The following HPSE2 variants were observed in gnomAD, a reference collection of about 807,000 sequenced individuals.
The protein encoded by HPSE2 is inactive heparanase-2.
HPSE2 carries 38 observed loss-of-function variants against 60.5 expected under a neutral mutation model. The observed-to-expected ratio is 0.63, with a 90% CI of 0.48 to 0.82. HPSE2 has a LOEUF of 0.82. HPSE2 is among the 40% of genes least tolerant of loss of function. The pLI is 0.00. For synonymous variants in HPSE2, 295 were observed against 293.2 expected (o/e 1.01, Z -0.06); for missense variants, 713 against 740.4 (o/e 0.96, Z 0.43).
At chr10:98,536,462 C>T (rs1943286212) in intron 9 of HPSE2, among the ~76,000 whole-genome samples, 1 of 152,152 alleles carries the variant, frequency 6.6e-6, no homozygotes, top group African/African-American at 2.4e-5. Context: ...ATGGTCCTTC[C>T]TTCTGAACTG....
intron 2 of HPSE2, among the ~76,000 whole-genome samples, chr10:99,144,736 G>T (rs1845986586): frequency 6.6e-6 from 1 of 152,036 alleles, no homozygotes. Context: ...TTTTCCATGG[G>T]AAAAAGTATT....
chr10:98,949,512 T>C (rs375087758), intron 3 of HPSE2, among the ~76,000 whole-genome samples: 1 of 152,198 alleles, frequency 6.6e-6, no homozygotes, highest in Non-Finnish European at 1.5e-5. Context: ...AAGATGAAGC[T>C]GACCAGAGAG....
chr10:99,306,552 T>C, the HPSE2 span, among the ~76,000 whole-genome samples: 2 of 152,172 alleles, frequency 1.3e-5, no homozygotes, highest in East Asian at 1.9e-4. Flanking sequence ...TCTTGGTGTA[T>C]GTGTGGCATC....
intron 3 of HPSE2, among the ~76,000 whole-genome samples, chr10:98,938,254 G>T (rs1589394483): frequency 6.9e-6 from 1 of 145,094 alleles, no homozygotes; most frequent in East Asian, 2.0e-4. Context: ...ACTTTGACGA[G>T]TTGAGAGAAG....
intron 3 of HPSE2, among the ~76,000 whole-genome samples, chr10:99,102,705 C>T (rs1346701638): frequency 2.0e-5 from 3 of 152,096 alleles, no homozygotes; most frequent in Non-Finnish European, 4.4e-5. Flanking sequence ...ACCAATATCC[C>T]TGATGAACAA....
At chr10:99,269,309 A>G in the HPSE2 span, among the ~76,000 whole-genome samples, 14 of 152,224 alleles carry the variant, frequency 9.2e-5, no homozygotes, top group Non-Finnish European at 1.9e-4. Flanking sequence ...GACTATTCTC[A>G]TATCAGACAA....
chr10:99,245,775 G>A, the HPSE2 span, among the ~76,000 whole-genome samples: 4 of 152,110 alleles, frequency 2.6e-5, no homozygotes, highest in Non-Finnish European at 5.9e-5. Flanking sequence ...TCCCACTGCT[G>A]GGCATAAACT....
At chr10:98,769,473 G>C (rs376034272) in intron 3 of HPSE2, among the ~76,000 whole-genome samples, 3 of 152,248 alleles carry the variant, frequency 2.0e-5, no homozygotes, top group Admixed American at 6.5e-5. Context: ...TCTGGCAAAG[G>C]TTCCACTGAG....
chr10:98,861,726 TGA>T (rs1952462638), intron 3 of HPSE2, among the ~76,000 whole-genome samples: 1 of 152,078 alleles, frequency 6.6e-6, no homozygotes, highest in Non-Finnish European at 1.5e-5. Context: ...AGGACAGATA[TGA>T]GAGGGCAGCC....
At chr10:98,952,150 T>C (rs1955375354) in intron 3 of HPSE2, among the ~76,000 whole-genome samples, 1 of 152,176 alleles carries the variant, frequency 6.6e-6, no homozygotes, top group South Asian at 2.1e-4. Context: ...CTTGTCATGG[T>C]CAGAAAAGAA....
chr10:99,087,212 C>T (rs1033387223), intron 3 of HPSE2, among the ~76,000 whole-genome samples: 5 of 152,194 alleles, frequency 3.3e-5, no homozygotes, highest in African/African-American at 1.2e-4. Flanking sequence ...TGTTTGTAAA[C>T]TTAAATAGTA....
chr10:98,697,317 C>G (rs117363338), intron 5 of HPSE2, among the ~76,000 whole-genome samples: 1,883 of 152,220 alleles, frequency 0.012, 8 homozygotes, highest in Non-Finnish European at 0.019. Flanking sequence ...ACATAAATAA[C>G]TTGAAGGAGC....
At chr10:98,907,793 T>A (rs1953864714) in intron 3 of HPSE2, among the ~76,000 whole-genome samples, 1 of 151,876 alleles carries the variant, frequency 6.6e-6, no homozygotes, top group Non-Finnish European at 1.5e-5. Flanking sequence ...CTAGGATAAT[T>A]ACATGAGATA....
intron 7 of HPSE2, among the ~76,000 whole-genome samples, chr10:98,634,657 C>T (rs1243644389): frequency 6.6e-6 from 1 of 152,138 alleles, no homozygotes; most frequent in Non-Finnish European, 1.5e-5. Flanking sequence ...GTCCTTCTTC[C>T]TTACTTCCAT....
At chr10:99,133,781 G>C (rs1845538742) in intron 3 of HPSE2, among the ~76,000 whole-genome samples, 1 of 152,164 alleles carries the variant, frequency 6.6e-6, no homozygotes, top group Non-Finnish European at 1.5e-5. Flanking sequence ...AGTGCAAAAA[G>C]GCTGAAAATT....
chr10:99,003,506 T>C (rs7900935), intron 3 of HPSE2, among the ~76,000 whole-genome samples: 74,045 of 152,006 alleles, frequency 0.49, 20,239 homozygotes, highest in East Asian at 0.62. Flanking sequence ...CAACAAGTTA[T>C]CTTTGGTCTT....
intron 3 of HPSE2, among the ~76,000 whole-genome samples, chr10:98,770,658 TC>T (rs1950221622): frequency 6.6e-6 from 1 of 152,038 alleles, no homozygotes; most frequent in African/African-American, 2.4e-5. Flanking sequence ...CGCCTCCCCT[TC>T]CCCCAACCAC....
intron 9 of HPSE2, among the ~76,000 whole-genome samples, chr10:98,504,760 A>G (rs1942143417): frequency 6.7e-6 from 1 of 149,540 alleles, no homozygotes. Context: ...ACTGCACTCC[A>G]GCCTGGGTGA....
At chr10:99,313,833 C>T in the HPSE2 span, among the ~76,000 whole-genome samples, 3 of 151,826 alleles carry the variant, frequency 2.0e-5, no homozygotes, top group Admixed American at 6.6e-5. Flanking sequence ...ATCTCTTGAC[C>T]TCATAATCTG....
Sources: allele counts gnomAD v4.1 joint callset (sites outside exome capture counted in the v4.1 genomes callset), GRCh38; gene constraint gnomAD v4.1.1; transcripts MANE v1.5; gene names NCBI Gene and HGNC (gene_info 2026-07-23, HGNC 2026-07-21).